KCNH1: variants seen among roughly 807,000 people sequenced by gnomAD.
The protein encoded by KCNH1 is potassium voltage-gated channel subfamily H member 1, also known as voltage-gated delayed rectifier potassium channel KCNH1.
A neutral mutation model predicts 69.2 loss-of-function variants in KCNH1; 27 were observed. The observed-to-expected ratio is 0.39, with a 90% confidence interval of 0.29 to 0.54. KCNH1 has a LOEUF of 0.54. KCNH1 is among the 20% of genes least tolerant of loss of function. KCNH1 has a pLI of 0.68. For missense variants in KCNH1, 798 were observed against 1,261.6 expected (o/e 0.63, Z 5.57); for synonymous variants, 456 against 487.7 (o/e 0.93, Z 0.86).
chr1:210,689,681 G>A (rs1048368525), intron 10 of KCNH1, among the ~76,000 whole-genome samples: 1 of 152,220 alleles, frequency 6.6e-6, no homozygotes, highest in African/African-American at 2.4e-5. Flanking sequence ...AAGAGCACTG[G>A]CTTGGAGTGG....
intron 7 of KCNH1, among the ~76,000 whole-genome samples, chr1:210,842,549 A>G (rs1685433143): frequency 6.6e-6 from 1 of 152,216 alleles, no homozygotes; most frequent in Non-Finnish European, 1.5e-5. Flanking sequence ...TGTGGGGCAC[A>G]GGGTTAGATC....
intron 5 of KCNH1, among the ~76,000 whole-genome samples, chr1:211,064,697 G>A (rs375338684): frequency 7.9e-5 from 12 of 152,004 alleles, no homozygotes; most frequent in African/African-American, 2.2e-4. Flanking sequence ...AAAGTGAAGC[G>A]ACAACCTACA....
chr1:210,848,991 A>G (rs184935404), intron 7 of KCNH1, among the ~76,000 whole-genome samples: 2 of 152,314 alleles, frequency 1.3e-5, no homozygotes, highest in East Asian at 3.9e-4. Flanking sequence ...GCAAAGTAAA[A>G]TAACTTTAAG....
At position 210,683,843 on chromosome 1, in the gene KCNH1, G is replaced by C. The variant is rs755800500; in HGVS notation, c.2408C>G (p.Ala803Gly). The change falls in exon 11 of 11, where the codon GCC (alanine) becomes GGC (glycine). Residue 803 changes from alanine (A) to glycine (G), a missense_variant. Physicochemically the swap from Ala to Gly is moderately conservative, Grantham distance 60. Coordinates refer to ENST00000271751, the MANE Select transcript of KCNH1 (RefSeq NM_172362.3). This position sits in a 1 kb window ranked among gnomAD's most constrained non-coding sequence, Gnocchi z 5.7. ...SPATPVSFQA[A>G]STSGVPDHAK... ...GTGGTCTGGCACCCCGGAGGTGGAG[G>C]CTGCCTGGAAGGATACGGGCGTGGC... 5.6e-6 allele frequency: 9 copies of C among 1,613,920 alleles called. No individual in the cohort carries two copies. Among genetic ancestry groups the C allele is most frequent in the East Asian group, 2.2e-5 (1 of 44,884 alleles).
intron 7 of KCNH1, among the ~76,000 whole-genome samples, chr1:210,838,217 A>G (rs1403632019): frequency 6.6e-6 from 1 of 152,190 alleles, no homozygotes; most frequent in East Asian, 1.9e-4. Flanking sequence ...ATCTTGGACA[A>G]ACCTGACAAA....
Position 211,018,984 on chromosome 1 carries a change from T to C in KCNH1, c.831A>G (p.Ala277=). 6.2e-7 allele frequency: 1 copy of C among 1,614,084 alleles called. No individual in the cohort carries two copies. The highest frequency in any genetic ancestry group is 8.5e-7 in the Non-Finnish European group (1 of 1,179,992). ...GTTTGGGGTCAGAAATCACCTCCCC[T>C]GCTGGTCCAACAAAGGTGGTATGAA... The part of the protein sequence containing the change: ...LNFHTTFVGP[A]GEVISDPKLI... Residue 277 remains alanine, a synonymous_variant, in exon 6 of 11, where the codon GCA becomes GCG. Coordinates refer to ENST00000271751, the MANE Select transcript of KCNH1 (RefSeq NM_172362.3).
rs1422451198 is a variant in KCNH1 at position 210,797,554 on chromosome 1, A to G, written c.1869T>C (p.Ser623=). The change falls in exon 9 of 11, where the codon TCT becomes TCC. Residue 623 remains serine, a synonymous_variant. Transcript: ENST00000271751. ...ESVDSLCFVV[S]GSLEVIQDDE... ...CATCTTGGATCACCTCCAGGGAGCC[A>G]GAAACCACAAAGCAGAGGCTGTCAA... 1 of 1,614,226 alleles carries G rather than the reference A, an allele frequency of 6.2e-7. No homozygotes were observed. Among genetic ancestry groups the G allele is most frequent in the East Asian group, 2.2e-5 (1 of 44,874 alleles).
intron 5 of KCNH1, among the ~76,000 whole-genome samples, chr1:211,056,215 T>A (rs1055318297): frequency 6.6e-6 from 1 of 152,138 alleles, no homozygotes; most frequent in Non-Finnish European, 1.5e-5. Context: ...GTATTTACCA[T>A]AAGTTGACTA....
chr1:210,923,404 C>G (rs932706486), intron 6 of KCNH1, among the ~76,000 whole-genome samples: 8 of 152,186 alleles, frequency 5.3e-5, no homozygotes, highest in African/African-American at 1.9e-4. Flanking sequence ...CATTGGGGGT[C>G]CCATCATCTT....
chr1:210,816,662 G>A (rs1684823167), intron 7 of KCNH1, among the ~76,000 whole-genome samples: 1 of 152,124 alleles, frequency 6.6e-6, no homozygotes, highest in African/African-American at 2.4e-5. Flanking sequence ...CCTAATGAGA[G>A]CTCTAAGTTT....
intron 9 of KCNH1, among the ~76,000 whole-genome samples, chr1:210,790,289 G>A (rs919317828): frequency 6.6e-5 from 10 of 152,072 alleles, no homozygotes; most frequent in Admixed American, 1.3e-4. Context: ...TACCCTATTG[G>A]CCATTAAATG....
chr1:211,120,232 C>T (rs1691661732), intron 1 of KCNH1, among the ~76,000 whole-genome samples: 4 of 151,244 alleles, frequency 2.6e-5, no homozygotes, highest in Admixed American at 2.6e-4. Context: ...TCTTGTCCCC[C>T]AGCATGGAGT....
At chr1:210,806,806 C>CTAAAAAAAAAAAAAAAA (rs1558477653) in intron 7 of KCNH1, among the ~76,000 whole-genome samples, 1 of 86,286 alleles carries the variant, frequency 1.2e-5, no homozygotes, top group Admixed American at 1.3e-4. Context: ...CCCATCTCTA[C>CTAAAAAAAAAAAAAAAA]CAAAAAAAAA....
At chr1:210,763,597 T>G (rs1304063017) in intron 10 of KCNH1, among the ~76,000 whole-genome samples, 2 of 152,122 alleles carry the variant, frequency 1.3e-5, no homozygotes, top group Non-Finnish European at 2.9e-5. Flanking sequence ...AAATCAAGAA[T>G]GCAATTTCAT....
chr1:210,900,597 G>A (rs988034112), intron 7 of KCNH1, among the ~76,000 whole-genome samples: 5 of 152,178 alleles, frequency 3.3e-5, no homozygotes, highest in African/African-American at 1.2e-4. Context: ...ACCAGTGGTA[G>A]TGCAGATGCA....
At chr1:210,926,264 A>AAC (rs141650911) in intron 6 of KCNH1, among the ~76,000 whole-genome samples, 10,671 of 148,844 alleles carry the variant, frequency 0.072, 426 homozygotes, top group African/African-American at 0.11. Flanking sequence ...ACTCCATCTA[A>AAC]ACACACACAC....
At chr1:210,704,395 T>G (rs1034453635) in intron 10 of KCNH1, among the ~76,000 whole-genome samples, 12 of 152,166 alleles carry the variant, frequency 7.9e-5, no homozygotes, top group Admixed American at 3.3e-4. Flanking sequence ...TTTCCTCTGA[T>G]AACAAAGGCA....
At chr1:211,056,759 C>T (rs71638196) in intron 5 of KCNH1, among the ~76,000 whole-genome samples, 27,838 of 152,146 alleles carry the variant, frequency 0.18, 2,881 homozygotes, top group Non-Finnish European at 0.23. Context: ...CCTAGTAATT[C>T]AGAGAATTCT....
At chr1:211,023,352 G>A (rs1558571891) in intron 5 of KCNH1, among the ~76,000 whole-genome samples, 2 of 151,702 alleles carry the variant, frequency 1.3e-5, no homozygotes, top group Non-Finnish European at 1.5e-5. Flanking sequence ...GCACTCCCAT[G>A]TTTATTGCAG....
Sources: allele counts gnomAD v4.1 joint callset (sites outside exome capture counted in the v4.1 genomes callset), GRCh38; gene constraint gnomAD v4.1.1; non-coding constraint Gnocchi (gnomAD v3.1); transcripts MANE v1.5; gene names NCBI Gene and HGNC (gene_info 2026-07-23, HGNC 2026-07-21).